Variants in ADGRG6 observed in about 807,000 individuals in gnomAD.
The protein encoded by ADGRG6 is G-protein coupled receptor 126.
Under a neutral mutation model 142.4 loss-of-function variants are expected in ADGRG6, and 84 were observed. The ratio of observed to expected loss-of-function variants is 0.59; its 90% CI spans 0.49 to 0.71. The LOEUF (loss-of-function observed/expected upper bound fraction) is 0.71. Among genes scored for constraint, ADGRG6 ranks in the 30% least tolerant of loss-of-function variants. The probability of loss-of-function intolerance (pLI) is 0.00; values close to 1 mark genes in which losing one functional copy is unlikely to be tolerated. For missense variants in ADGRG6, 1,367 were observed against 1,466.6 expected, an observed-to-expected ratio of 0.93 and a Z score of 1.11; for synonymous variants, 521 against 520.5, an observed-to-expected ratio of 1.00 and a Z score of -0.01.
intron 10 of ADGRG6, among the ~76,000 whole-genome samples, chr6:142,398,191 C>A (rs1013626215): frequency 6.6e-6 from 1 of 152,140 alleles, no homozygotes; most frequent in African/African-American, 2.4e-5. Flanking sequence ...CTTTGGGAGG[C>A]CAAGGTGGAG....
chr6:142,319,356 T>C (rs1778406065), intron 2 of ADGRG6, among the ~76,000 whole-genome samples: 1 of 152,162 alleles, frequency 6.6e-6, no homozygotes, highest in African/African-American at 2.4e-5. Flanking sequence ...GTAAAATCCC[T>C]GGGTCCAAAG....
intron 22 of ADGRG6, 39 bp downstream of exon 22, chr6:142,420,143 T>C: frequency 1.3e-6 from 2 of 1,517,400 alleles, no homozygotes; most frequent in Non-Finnish European, 1.8e-6. Context: ...TGCTTTCTAA[T>C]TTTGTCATAT....
At chr6:142,440,656 G>A (rs1233631559) in intron 24 of ADGRG6, among the ~76,000 whole-genome samples, 2 of 152,080 alleles carry the variant, frequency 1.3e-5, no homozygotes, top group Admixed American at 1.3e-4. Flanking sequence ...AAAAACCCTT[G>A]GGGCTAAATG....
At chr6:142,328,785 T>C (rs1416083552) in intron 2 of ADGRG6, among the ~76,000 whole-genome samples, 3 of 152,168 alleles carry the variant, frequency 2.0e-5, no homozygotes, top group Non-Finnish European at 4.4e-5. Context: ...CATTGACTTG[T>C]GTTTGCCCAA....
chr6:142,352,373 A>G (rs908689488), intron 2 of ADGRG6, among the ~76,000 whole-genome samples: 24 of 152,188 alleles, frequency 1.6e-4, no homozygotes, highest in African/African-American at 5.8e-4. Context: ...ACAGCAAACC[A>G]AAAATAGCAC....
intron 10 of ADGRG6, among the ~76,000 whole-genome samples, chr6:142,399,000 CAAAT>C (rs1227324777): frequency 6.6e-6 from 1 of 152,018 alleles, no homozygotes; most frequent in Admixed American, 6.6e-5. Flanking sequence ...GTTGAATAGA[CAAAT>C]GAATGAGTCT....
intron 1 of ADGRG6, 74 bp from the exon 2 acceptor site, chr6:142,309,470 A>C: frequency 9.7e-7 from 1 of 1,035,224 alleles, no homozygotes. Flanking sequence ...CTGGAAACCT[A>C]TAGTTTTTAC....
In ADGRG6 at chr6:142,383,842, T is replaced by A; in HGVS notation, c.1221T>A (p.Asn407Lys). 1 of 1,466,528 alleles carries A rather than the reference T, an allele frequency of 6.8e-7. No homozygotes were observed. The allele number at this position is 1,466,528 out of a possible 1,614,324, so 90.8% of individuals were successfully genotyped here. A position where few individuals can be genotyped will look rare whatever the true frequency, so the allele number is the denominator to read the frequency against. Residue 407 changes from asparagine to lysine, a missense_variant and splice_region_variant, in exon 6 of 25, where the codon AAT (asparagine) becomes AAA (lysine). Around this residue, in one of 3 missense-constraint regions of ADGRG6, gnomAD observed 737 missense variants for 746.5 expected, o/e 0.99. Coordinates refer to ENST00000367609, the MANE Select transcript of ADGRG6 (RefSeq NM_198569.3). ...PVTNRIDKQR[N>K]DGIIYRISVV... ...CTAACAGAATCGATAAACAAAGGAATGGTAAGAAATCATTACCTTTTATAT... is the reference window on the plus strand; with the variant it reads ...CTAACAGAATCGATAAACAAAGGAAAGGTAAGAAATCATTACCTTTTATAT...
At chr6:142,363,220 G>T (rs567653262) in intron 2 of ADGRG6, among the ~76,000 whole-genome samples, 1 of 151,990 alleles carries the variant, frequency 6.6e-6, no homozygotes, top group Non-Finnish European at 1.5e-5. Context: ...TCTCCATTTT[G>T]ATTTATCTCT....
In ADGRG6 at chr6:142,436,459, G is replaced by C. The variant is rs1025475362; in HGVS notation, c.3320-975G>C. 5.7e-4 allele frequency among the ~76,000 whole-genome samples: 85 copies of C among 148,514 alleles called. 2 individuals carry two copies. Among genetic ancestry groups the C allele is most frequent in the Admixed American group, 5.7e-3 (85 of 14,858 alleles). ...ATTCTTACAAGAGTGGTCATAGTAG[G>C]GTCATGGATGTGGATAGCAATCTGC... On this transcript the variant is annotated intron_variant, in intron 22 of 24. Transcript: ENST00000367609.
chr6:142,369,235 T>C (rs913820896), intron 3 of ADGRG6, among the ~76,000 whole-genome samples: 2 of 152,196 alleles, frequency 1.3e-5, no homozygotes, highest in African/African-American at 4.8e-5. Flanking sequence ...GCTAAATCTG[T>C]TGTATTATGT....
intron 2 of ADGRG6, among the ~76,000 whole-genome samples, chr6:142,327,420 TG>T (rs1175883282): frequency 2.6e-5 from 4 of 152,148 alleles, no homozygotes; most frequent in Non-Finnish European, 5.9e-5. Context: ...GAAAATCAGC[TG>T]TAGCAAGAAA....
chr6:142,387,644 C>G (rs1782098090), intron 6 of ADGRG6, among the ~76,000 whole-genome samples: 1 of 152,110 alleles, frequency 6.6e-6, no homozygotes, highest in African/African-American at 2.4e-5. Flanking sequence ...CATTTCAAAC[C>G]TGTATTTTAC....
intron 10 of ADGRG6, among the ~76,000 whole-genome samples, chr6:142,399,440 A>G (rs1461215377): frequency 1.3e-5 from 2 of 152,190 alleles, no homozygotes; most frequent in Admixed American, 1.3e-4. Flanking sequence ...GGGAGAATGC[A>G]AGCTGCTACC....
At chr6:142,343,058 A>G (rs1189758211) in intron 2 of ADGRG6, among the ~76,000 whole-genome samples, 2 of 151,916 alleles carry the variant, frequency 1.3e-5, no homozygotes, top group East Asian at 1.9e-4. Context: ...TTATAAAACT[A>G]CTTATATAGG....
intron 2 of ADGRG6, among the ~76,000 whole-genome samples, chr6:142,328,802 C>T (rs1466172271): frequency 6.6e-6 from 1 of 152,130 alleles, no homozygotes; most frequent in Admixed American, 6.6e-5. Flanking sequence ...CCAAGCTTTC[C>T]AGGTGATTTC....
At chr6:142,315,198 G>A (rs1424583314) in intron 2 of ADGRG6, among the ~76,000 whole-genome samples, 3 of 152,114 alleles carry the variant, frequency 2.0e-5, no homozygotes, top group East Asian at 1.9e-4. Context: ...TGAGACTTTC[G>A]CAGACACAAA....
chr6:142,424,822 G>A (rs6936635), intron 22 of ADGRG6, among the ~76,000 whole-genome samples: 1 of 152,192 alleles, frequency 6.6e-6, no homozygotes, highest in African/African-American at 2.4e-5. Flanking sequence ...GGGGAGACAG[G>A]TTAATTAAAT....
At chr6:142,318,951 A>G (rs1255720891) in intron 2 of ADGRG6, among the ~76,000 whole-genome samples, 1 of 152,120 alleles carries the variant, frequency 6.6e-6, no homozygotes, top group Non-Finnish European at 1.5e-5. Context: ...CCCACTAGCT[A>G]CAGTTCTGTA....
Sources: allele counts gnomAD v4.1 joint callset (sites outside exome capture counted in the v4.1 genomes callset), GRCh38; gene constraint gnomAD v4.1.1; regional missense constraint gnomAD v4.1.1; transcripts MANE v1.5; gene names NCBI Gene and HGNC (gene_info 2026-07-23, HGNC 2026-07-21).